ERBB4: variants seen among roughly 807,000 people sequenced by gnomAD.
The protein encoded by ERBB4 is erb-b2 receptor tyrosine kinase 4.
A neutral mutation model predicts 158.0 loss-of-function variants in ERBB4; 42 were observed. That is an observed-to-expected ratio of 0.27 (90% CI 0.21 to 0.34). ERBB4 has a LOEUF of 0.34. Ranked by LOEUF, ERBB4 falls within the 10% of genes least tolerant of loss-of-function variation. The probability of loss-of-function intolerance (pLI) is 1.00; values close to 1 mark genes in which losing one functional copy is unlikely to be tolerated. For synonymous variants in ERBB4, 583 were observed against 558.7 expected (o/e 1.04, Z -0.61); for missense variants, 1,333 against 1,624.1 (o/e 0.82, Z 3.08).
intron 4 of ERBB4, among the ~76,000 whole-genome samples, chr2:211,776,838 T>C (rs544174719): frequency 2.6e-4 from 39 of 152,208 alleles, no homozygotes; most frequent in Non-Finnish European, 4.3e-4. Flanking sequence ...ATTATATTAG[T>C]ATTAGGGCAG....
chr2:211,813,457 AC>A (rs2076805725), intron 3 of ERBB4, among the ~76,000 whole-genome samples: 1 of 152,182 alleles, frequency 6.6e-6, no homozygotes, highest in Non-Finnish European at 1.5e-5. Context: ...TTCTACACTT[AC>A]CTTCAGTTTG....
chr2:212,474,517 C>T (rs1272797683), intron 1 of ERBB4, among the ~76,000 whole-genome samples: 1 of 152,058 alleles, frequency 6.6e-6, no homozygotes, highest in Non-Finnish European at 1.5e-5. Flanking sequence ...CAACTTGTCC[C>T]AAGCTTCAAG....
intron 1 of ERBB4, among the ~76,000 whole-genome samples, chr2:212,237,735 C>T (rs1027998782): frequency 6.6e-6 from 1 of 152,198 alleles, no homozygotes; most frequent in Non-Finnish European, 1.5e-5. Flanking sequence ...TCTATAAGTC[C>T]CTGACTGTGG....
intron 3 of ERBB4, among the ~76,000 whole-genome samples, chr2:211,849,891 T>C (rs13025766): frequency 0.21 from 32,190 of 151,810 alleles, 3,562 homozygotes; most frequent in South Asian, 0.32. Flanking sequence ...GTTTTAATAA[T>C]GACTATAGGA....
chr2:212,261,799 T>G lies in ERBB4; in HGVS notation c.83-136896A>C, dbSNP rs192158485. ...AAAACAATTGTACATGTGTTATATA[T>G]GTGGCATTTTTGTTTCATTTTGTAT... is the stretch of plus-strand genomic sequence containing the variant. On this transcript the variant is annotated intron_variant, in intron 1 of 27. Transcript: ENST00000342788. Among the ~76,000 whole-genome samples, 4 of 152,294 alleles carry G rather than the reference T, an allele frequency of 2.6e-5. No individual in the cohort carries two copies. In the East Asian group the frequency reaches 5.8e-4, roughly 22 times the overall value.
At chr2:212,115,464 T>C (rs1215825288) in intron 2 of ERBB4, among the ~76,000 whole-genome samples, 2 of 152,226 alleles carry the variant, frequency 1.3e-5, no homozygotes, top group African/African-American at 2.4e-5. Context: ...GTTTGGTTTT[T>C]AGAATTAAAA....
chr2:212,207,333 G>T (rs900631671), intron 1 of ERBB4, among the ~76,000 whole-genome samples: 53 of 152,280 alleles, frequency 3.5e-4, no homozygotes, highest in African/African-American at 1.2e-3. Context: ...CAATTTATAT[G>T]AAAAAGGCTT....
At chr2:212,039,389 A>C (rs1177773715) in intron 2 of ERBB4, among the ~76,000 whole-genome samples, 1 of 152,138 alleles carries the variant, frequency 6.6e-6, no homozygotes, top group Non-Finnish European at 1.5e-5. Flanking sequence ...GTAATTCTTC[A>C]CCTTTGTGAA....
chr2:211,443,528 A>T (rs1473456236), intron 20 of ERBB4, among the ~76,000 whole-genome samples: 1 of 152,066 alleles, frequency 6.6e-6, no homozygotes, highest in Non-Finnish European at 1.5e-5. Flanking sequence ...TCTCCAGTTC[A>T]CAGATTTATG....
chr2:212,334,154 G>C (rs1434711059), intron 1 of ERBB4, among the ~76,000 whole-genome samples: 1 of 151,964 alleles, frequency 6.6e-6, no homozygotes, highest in Non-Finnish European at 1.5e-5. Context: ...TGATGATAAT[G>C]TTAGCTAGAG....
intron 3 of ERBB4, among the ~76,000 whole-genome samples, chr2:211,811,327 T>C (rs1343696502): frequency 1.3e-5 from 2 of 152,220 alleles, no homozygotes; most frequent in African/African-American, 2.4e-5. Flanking sequence ...TCTTTAAGAA[T>C]GTTAAATATC....
At chr2:211,523,469 A>C (rs1269434525) in intron 20 of ERBB4, among the ~76,000 whole-genome samples, 1 of 151,424 alleles carries the variant, frequency 6.6e-6, no homozygotes, top group Non-Finnish European at 1.5e-5. Flanking sequence ...TGAGTGTTAC[A>C]GCTCTTAAGG....
chr2:211,433,443 T>C (rs1476035491), intron 20 of ERBB4, among the ~76,000 whole-genome samples: 1 of 151,696 alleles, frequency 6.6e-6, no homozygotes, highest in Non-Finnish European at 1.5e-5. Flanking sequence ...TAGCCAGGTG[T>C]GATGGTGGGC....
intron 2 of ERBB4, among the ~76,000 whole-genome samples, chr2:212,039,088 T>G (rs2125367535): frequency 6.6e-6 from 1 of 152,256 alleles, no homozygotes; most frequent in Non-Finnish European, 1.5e-5. Context: ...TTCTCATTTA[T>G]TTAGTGAATG....
intron 1 of ERBB4, among the ~76,000 whole-genome samples, chr2:212,348,036 G>T (rs1348380064): frequency 6.6e-6 from 1 of 151,862 alleles, no homozygotes; most frequent in Non-Finnish European, 1.5e-5. Context: ...ATAAACCAAT[G>T]AACTATAATG....
At chr2:211,579,785 C>G (rs1191914183) in intron 19 of ERBB4, among the ~76,000 whole-genome samples, 2 of 150,266 alleles carry the variant, frequency 1.3e-5, no homozygotes, top group Admixed American at 1.3e-4. Flanking sequence ...AAAACACACA[C>G]TGGGGCCTGT....
chr2:211,774,333 A>G (rs1369863927), intron 4 of ERBB4, among the ~76,000 whole-genome samples: 3 of 152,012 alleles, frequency 2.0e-5, no homozygotes, highest in Non-Finnish European at 2.9e-5. Flanking sequence ...CGGCCTCCCA[A>G]AGTGCTGGGA....
At chr2:212,186,950 C>T (rs1024268415) in intron 1 of ERBB4, among the ~76,000 whole-genome samples, 1 of 151,910 alleles carries the variant, frequency 6.6e-6, no homozygotes, top group Non-Finnish European at 1.5e-5. Flanking sequence ...TTAAATTTGC[C>T]TACTTTTTGA....
intron 16 of ERBB4, among the ~76,000 whole-genome samples, chr2:211,655,641 T>C (rs1471487097): frequency 6.6e-6 from 1 of 152,134 alleles, no homozygotes; most frequent in Non-Finnish European, 1.5e-5. Context: ...TCAAAGCAAA[T>C]GTGAAAACTG....
Sources: gnomAD v4.1 joint callset for allele counts (sites outside exome capture counted in the v4.1 genomes callset) on GRCh38, gnomAD v4.1.1 for gene constraint, MANE v1.5 for transcripts, NCBI Gene and HGNC (gene_info 2026-07-23, HGNC 2026-07-21) for gene names.